The following PLCXD3 variants were observed in gnomAD, a reference collection of about 807,000 sequenced individuals.
PLCXD3 encodes phosphatidylinositol specific phospholipase C X domain containing 3.
Under a neutral mutation model 25.5 loss-of-function variants are expected in PLCXD3, and 19 were observed. The ratio of observed to expected loss-of-function variants is 0.75; its 90% CI spans 0.52 to 1.09. The LOEUF is 1.09. Among genes scored for constraint, PLCXD3 ranks in the 50% least tolerant of loss-of-function variants. PLCXD3 has a pLI of 0.00. For missense variants in PLCXD3, 411 were observed against 388.1 expected (o/e 1.06, Z -0.50); for synonymous variants, 174 against 137.6 (o/e 1.26, Z -1.85).
intron 1 of PLCXD3, among the ~76,000 whole-genome samples, chr5:41,462,717 A>G (rs145608729): frequency 0.015 from 2,239 of 151,884 alleles, 53 homozygotes; most frequent in African/African-American, 0.047. Context: ...CCTGGGGGGC[A>G]GAGGTTGCAG....
chr5:41,350,589 T>C (rs1261984281), intron 2 of PLCXD3, among the ~76,000 whole-genome samples: 3 of 152,132 alleles, frequency 2.0e-5, no homozygotes, highest in African/African-American at 7.2e-5. Flanking sequence ...CATTCTTACA[T>C]CATGCTTAAA....
intron 1 of PLCXD3, among the ~76,000 whole-genome samples, chr5:41,499,787 C>A (rs185462631): frequency 1.3e-5 from 2 of 151,684 alleles, no homozygotes; most frequent in African/African-American, 4.8e-5. Flanking sequence ...GCATAAAGAC[C>A]AACATATAGA....
rs184336490 is a variant in PLCXD3 at position 41,508,291 on chromosome 5, C to T, written c.103+2133G>A. On this transcript the variant is annotated intron_variant, in intron 1 of 2. Coordinates refer to ENST00000377801, the MANE Select transcript of PLCXD3 (RefSeq NM_001005473.3). ...GTCCCAGGGCAGGAAAGGAAAATTA[C>T]TGTGTTCCCACTAATGCTTAGTTCC... 2.8e-4 allele frequency among the ~76,000 whole-genome samples: 42 copies of T among 152,332 alleles called. 1 individual carries two copies. The highest frequency in any genetic ancestry group is 3.5e-4 in the Non-Finnish European group (24 of 68,026).
chr5:41,485,643 A>G (rs1748501905), intron 1 of PLCXD3, among the ~76,000 whole-genome samples: 1 of 152,146 alleles, frequency 6.6e-6, no homozygotes, highest in Non-Finnish European at 1.5e-5. Flanking sequence ...GCCAGAACAA[A>G]GCACCATGCT....
intron 1 of PLCXD3, among the ~76,000 whole-genome samples, chr5:41,433,688 T>C (rs1295665733): frequency 1.3e-5 from 2 of 152,224 alleles, no homozygotes; most frequent in Admixed American, 6.5e-5. Flanking sequence ...GGAAATAAAA[T>C]GCTCATTCTA....
chr5:41,468,898 G>A (rs1398267329), intron 1 of PLCXD3, among the ~76,000 whole-genome samples: 1 of 152,054 alleles, frequency 6.6e-6, no homozygotes, highest in Non-Finnish European at 1.5e-5. Context: ...CTTCTGGCTA[G>A]GACTTCCAGT....
intron 2 of PLCXD3, among the ~76,000 whole-genome samples, chr5:41,365,969 T>C (rs1273190798): frequency 6.6e-6 from 1 of 151,890 alleles, no homozygotes; most frequent in African/African-American, 2.4e-5. Flanking sequence ...ATACTTTAAG[T>C]TCTAGGGTAC....
chr5:41,387,571 G>A (rs554508869), intron 1 of PLCXD3, among the ~76,000 whole-genome samples: 2 of 152,138 alleles, frequency 1.3e-5, no homozygotes, highest in South Asian at 4.1e-4. Flanking sequence ...ATGACTTGAG[G>A]CAATTACATC....
chr5:41,471,423 AC>A (rs1385603971), intron 1 of PLCXD3, among the ~76,000 whole-genome samples: 2 of 152,086 alleles, frequency 1.3e-5, no homozygotes, highest in Admixed American at 6.5e-5. Context: ...AGAAAGCAAA[AC>A]TCGGTTTCCC....
chr5:41,350,432 A>C (rs903635576), intron 2 of PLCXD3, among the ~76,000 whole-genome samples: 3 of 152,182 alleles, frequency 2.0e-5, no homozygotes, highest in African/African-American at 7.2e-5. Context: ...GAGTAAGGGA[A>C]ACAATCTTAG....
At chr5:41,318,029 A>T (rs1743352483) in intron 2 of PLCXD3, among the ~76,000 whole-genome samples, 1 of 152,106 alleles carries the variant, frequency 6.6e-6, no homozygotes, top group African/African-American at 2.4e-5. Flanking sequence ...GGAGAGCATG[A>T]CATGACATAT....
chr5:41,492,035 G>C (rs796362607), intron 1 of PLCXD3, among the ~76,000 whole-genome samples: 2 of 124,856 alleles, frequency 1.6e-5, no homozygotes, highest in South Asian at 5.4e-4. Context: ...AGCCTCGATG[G>C]TCTTTACAAT....
chr5:41,507,016 T>C (rs1249212437), intron 1 of PLCXD3, among the ~76,000 whole-genome samples: 1 of 152,200 alleles, frequency 6.6e-6, no homozygotes, highest in African/African-American at 2.4e-5. Flanking sequence ...GGCTAAACCC[T>C]TCCCAATCTT....
At chr5:41,456,371 A>G (rs1055022290) in intron 1 of PLCXD3, among the ~76,000 whole-genome samples, 1 of 151,946 alleles carries the variant, frequency 6.6e-6, no homozygotes, top group Non-Finnish European at 1.5e-5. Flanking sequence ...TTTAAAACCT[A>G]TTGTTACAAA....
intron 1 of PLCXD3, among the ~76,000 whole-genome samples, chr5:41,489,609 G>A (rs1328020209): frequency 6.6e-6 from 1 of 150,638 alleles, no homozygotes; most frequent in Non-Finnish European, 1.5e-5. Context: ...ATTTCCTTGA[G>A]CAGTGGTTTG....
At chr5:41,365,192 A>G (rs1346748028) in intron 2 of PLCXD3, among the ~76,000 whole-genome samples, 1 of 152,156 alleles carries the variant, frequency 6.6e-6, no homozygotes, top group Non-Finnish European at 1.5e-5. Flanking sequence ...TTCACCATAG[A>G]AATTTTTCTT....
chr5:41,392,340 GGAGAGAGAGA>G (rs567122367), intron 1 of PLCXD3, among the ~76,000 whole-genome samples: 1 of 150,256 alleles, frequency 6.7e-6, no homozygotes, highest in East Asian at 1.9e-4. Context: ...AGAGAGAGAG[GGAGAGAGAGA>G]GAGAAAGAGA....
intron 1 of PLCXD3, among the ~76,000 whole-genome samples, chr5:41,461,101 C>A (rs760069430): frequency 1.6e-4 from 25 of 151,820 alleles, no homozygotes; most frequent in South Asian, 4.1e-4. Flanking sequence ...ACATATAATA[C>A]ATTTTGGTAT....
At chr5:41,458,121 A>G (rs969546699) in intron 1 of PLCXD3, among the ~76,000 whole-genome samples, 5 of 151,782 alleles carry the variant, frequency 3.3e-5, no homozygotes, top group Non-Finnish European at 4.4e-5. Context: ...TGTTTTCCCT[A>G]CTCCCTCATC....
Sources: gnomAD v4.1 joint callset for allele counts (sites outside exome capture counted in the v4.1 genomes callset) on GRCh38, gnomAD v4.1.1 for gene constraint, MANE v1.5 for transcripts, NCBI Gene and HGNC (gene_info 2026-07-23, HGNC 2026-07-21) for gene names.